The following DTNA variants were observed in gnomAD, a reference collection of about 807,000 sequenced individuals.
The protein encoded by DTNA is dystrophin-related protein 3.
A neutral mutation model predicts 100.7 loss-of-function variants in DTNA; 43 were observed. The ratio of observed to expected loss-of-function variants is 0.43; its 90% confidence interval spans 0.33 to 0.55. The LOEUF is 0.55. Among genes scored for constraint, DTNA ranks in the 20% least tolerant of loss-of-function variants. The pLI, the probability that DTNA is intolerant of heterozygous loss-of-function variation, is 0.04. For missense variants in DTNA, 798 were observed against 953.9 expected (o/e 0.84, Z 2.15); for synonymous variants, 349 against 347.9 (o/e 1.00, Z -0.04).
rs182983765 is a variant in DTNA at position 34,494,944 on chromosome 18, C to T, written c.-2+1430C>T. ...GTGGAAACTTTAGGAAAAAAGTGTT[C>T]CACATGTTCCACGGTTCTATATGGC... On this transcript the variant is annotated intron_variant, in intron 1 of 19. Coordinates refer to the DTNA transcript ENST00000283365. Among the ~76,000 whole-genome samples the T allele has an allele frequency of 2.0e-5, 3 of 151,726 alleles. No individual in the cohort carries two copies. The East Asian group carries it at 5.8e-4, about 29-fold the overall frequency.
At chr18:34,615,788 T>C (rs1408786071) in intron 1 of DTNA, among the ~76,000 whole-genome samples, 3 of 152,166 alleles carry the variant, frequency 2.0e-5, no homozygotes, top group African/African-American at 7.2e-5. Flanking sequence ...TTCCCTTTTT[T>C]GTGTCTATGT....
chr18:34,657,387 G>C (rs746655357), intron 1 of DTNA, among the ~76,000 whole-genome samples: 7 of 152,020 alleles, frequency 4.6e-5, no homozygotes, highest in Non-Finnish European at 8.8e-5. Context: ...AAAAAAACTT[G>C]TCAAAAAACA....
intron 2 of DTNA, among the ~76,000 whole-genome samples, chr18:34,762,789 G>T (rs2093260052): frequency 6.6e-6 from 1 of 152,152 alleles, no homozygotes; most frequent in Non-Finnish European, 1.5e-5. Context: ...CATCAGCCAG[G>T]AAGAATTTAT....
chr18:34,862,289 A>G (rs2150126631), intron 16 of DTNA, among the ~76,000 whole-genome samples: 1 of 152,050 alleles, frequency 6.6e-6, no homozygotes, highest in East Asian at 1.9e-4. Context: ...GATGTTTCTC[A>G]TCCTCTGGAT....
intron 1 of DTNA, among the ~76,000 whole-genome samples, chr18:34,669,460 C>G (rs1011239877): frequency 3.9e-5 from 6 of 152,158 alleles, no homozygotes; most frequent in Admixed American, 3.3e-4. Flanking sequence ...TGAATTTGAT[C>G]CTGTCATTGT....
chr18:34,686,287 G>C (rs1428098425), intron 1 of DTNA, among the ~76,000 whole-genome samples: 1 of 152,160 alleles, frequency 6.6e-6, no homozygotes, highest in Non-Finnish European at 1.5e-5. Flanking sequence ...GTCATAAATA[G>C]CTCTTATTAT....
rs183886069 is a variant in DTNA at position 34,547,282 on chromosome 18, A to C, written c.-2+53768A>C. On this transcript the variant is annotated intron_variant, in intron 1 of 19. Coordinates refer to the DTNA transcript ENST00000283365. Reference sequence around the variant, plus strand: ...TGTTATATTATAATGATACTTTTTAAAATTATTAAATTTCTAACTCTTTAT... The same window carrying C: ...TGTTATATTATAATGATACTTTTTACAATTATTAAATTTCTAACTCTTTAT... Among the ~76,000 whole-genome samples, 10 of 147,864 alleles carry C rather than the reference A, an allele frequency of 6.8e-5. No individual in the cohort carries two copies. In the East Asian group the frequency reaches 1.7e-3, roughly 26 times the overall value.
chr18:34,643,268 C>T (rs895393692), intron 1 of DTNA, among the ~76,000 whole-genome samples: 2 of 152,096 alleles, frequency 1.3e-5, no homozygotes, highest in Admixed American at 1.3e-4. Context: ...AAAGCACATA[C>T]CCAAATATTT....
intron 1 of DTNA, among the ~76,000 whole-genome samples, chr18:34,649,594 A>T (rs375572516): frequency 6.6e-6 from 1 of 152,218 alleles, no homozygotes; most frequent in Non-Finnish European, 1.5e-5. Context: ...GCTTATTTGC[A>T]TTCTGGAGAA....
At chr18:34,740,812 A>T (rs1568373404) in intron 1 of DTNA, among the ~76,000 whole-genome samples, 1 of 151,836 alleles carries the variant, frequency 6.6e-6, no homozygotes, top group African/African-American at 2.4e-5. Flanking sequence ...AGGAAAAAAA[A>T]AAAAGAAAAG....
intron 17 of DTNA, among the ~76,000 whole-genome samples, chr18:34,873,121 T>C (rs2096781383): frequency 6.6e-6 from 1 of 152,246 alleles, no homozygotes; most frequent in African/African-American, 2.4e-5. Context: ...TATTACCACT[T>C]GTACCACTGT....
At chr18:34,705,369 C>T (rs533484340), upstream of DTNA, among the ~76,000 whole-genome samples, 3 of 152,296 alleles carry the variant, frequency 2.0e-5, no homozygotes, top group Admixed American at 6.5e-5. Context: ...CTGACTTGGA[C>T]TCCAGAACAC....
intron 16 of DTNA, among the ~76,000 whole-genome samples, 175 bp from the exon 17 acceptor site, chr18:34,863,791 A>G (rs2096660216): frequency 6.6e-6 from 1 of 152,256 alleles, no homozygotes; most frequent in African/African-American, 2.4e-5. Context: ...TGCTAACAAA[A>G]GAAACACTTC....
intron 1 of DTNA, among the ~76,000 whole-genome samples, chr18:34,726,251 TA>T (rs1025225780): frequency 2.3e-4 from 35 of 151,184 alleles, no homozygotes; most frequent in Admixed American, 9.2e-4. Flanking sequence ...TATAATAATT[TA>T]AAAAAAAATA....
chr18:34,624,888 G>A (rs546954557), intron 1 of DTNA, among the ~76,000 whole-genome samples: 1 of 152,266 alleles, frequency 6.6e-6, no homozygotes, highest in African/African-American at 2.4e-5. Context: ...TTTTGAGACA[G>A]AGTCTCACTC....
chr18:34,668,467 G>T (rs886088766), intron 1 of DTNA, among the ~76,000 whole-genome samples: 6 of 152,006 alleles, frequency 3.9e-5, no homozygotes, highest in African/African-American at 1.5e-4. Flanking sequence ...CCTTCTGCTA[G>T]CTTTTGAATG....
At chr18:34,495,201 A>G (rs2039055822) in intron 1 of DTNA, among the ~76,000 whole-genome samples, 1 of 152,222 alleles carries the variant, frequency 6.6e-6, no homozygotes, top group East Asian at 1.9e-4. Context: ...GAACCTTAAT[A>G]GGTATGTGCT....
At chr18:34,786,660 C>A (rs1356486087) in intron 3 of DTNA, among the ~76,000 whole-genome samples, 1 of 152,026 alleles carries the variant, frequency 6.6e-6, no homozygotes, top group Non-Finnish European at 1.5e-5. Flanking sequence ...ACTGTCTACG[C>A]ACAAGAAGAT....
intron 1 of DTNA, among the ~76,000 whole-genome samples, chr18:34,498,551 C>G (rs950560209): frequency 5.3e-5 from 8 of 151,608 alleles, no homozygotes; most frequent in Admixed American, 1.3e-4. Flanking sequence ...TGCTCTCACT[C>G]TTTTCCAGTG....
Sources: allele counts gnomAD v4.1 joint callset (sites outside exome capture counted in the v4.1 genomes callset), GRCh38; gene constraint gnomAD v4.1.1; transcripts MANE v1.5; gene names NCBI Gene and HGNC (gene_info 2026-07-23, HGNC 2026-07-21).